STPG2: variants seen among roughly 807,000 people sequenced by gnomAD.
STPG2 encodes sperm-tail PG-rich repeat-containing protein 2.
A neutral mutation model predicts 54.2 loss-of-function variants in STPG2; 56 were observed. That is an observed-to-expected ratio of 1.03 (90% CI 0.83 to 1.29). The LOEUF is 1.29. Ranked by LOEUF, STPG2 falls within the 50% of genes most tolerant of loss-of-function variation. The probability of loss-of-function intolerance (pLI) is 0.00; values close to 1 mark genes in which losing one functional copy is unlikely to be tolerated. For synonymous variants in STPG2, 200 were observed against 181.8 expected (o/e 1.10, Z -0.81); for missense variants, 596 against 544.9 (o/e 1.09, Z -0.93).
chr4:97,671,030 G>T (rs750044922), intron 10 of STPG2, among the ~76,000 whole-genome samples: 2 of 152,200 alleles, frequency 1.3e-5, no homozygotes, highest in Non-Finnish European at 2.9e-5. Context: ...CCATGACAGT[G>T]AATGTGATCG....
At chr4:97,805,452 C>A (rs1727528447) in intron 9 of STPG2, among the ~76,000 whole-genome samples, 1 of 152,102 alleles carries the variant, frequency 6.6e-6, no homozygotes, top group African/African-American at 2.4e-5. Context: ...TCCAAGTGAT[C>A]TGCCCACCTC....
intron 3 of STPG2, among the ~76,000 whole-genome samples, chr4:98,125,062 G>A (rs929962860): frequency 3.3e-5 from 5 of 152,098 alleles, no homozygotes; most frequent in African/African-American, 1.2e-4. Flanking sequence ...TGTTATTCTG[G>A]TTAGCAGCTC....
At chr4:98,132,573 T>A (rs947470374) in intron 2 of STPG2, among the ~76,000 whole-genome samples, 1 of 151,932 alleles carries the variant, frequency 6.6e-6, no homozygotes, top group African/African-American at 2.4e-5. Context: ...TTCTCCCGGT[T>A]TTGTAGACTA....
At chr4:98,017,161 G>A (rs1481465712) in intron 5 of STPG2, among the ~76,000 whole-genome samples, 3 of 152,228 alleles carry the variant, frequency 2.0e-5, no homozygotes, top group African/African-American at 7.2e-5. Context: ...GTCTACTGAG[G>A]ATGGCTTGGT....
chr4:97,753,858 G>A (rs1339092790), intron 9 of STPG2, among the ~76,000 whole-genome samples: 2 of 151,854 alleles, frequency 1.3e-5, no homozygotes, highest in East Asian at 1.9e-4. Context: ...AAATTGGGTT[G>A]TTTTTGTTGT....
chr4:97,913,598 G>A (rs1731761437), intron 8 of STPG2, among the ~76,000 whole-genome samples: 1 of 152,208 alleles, frequency 6.6e-6, no homozygotes, highest in Middle Eastern at 3.4e-3. Flanking sequence ...CACAGTGATA[G>A]GTAATTCCAA....
intron 8 of STPG2, among the ~76,000 whole-genome samples, chr4:97,923,910 C>T (rs1161564376): frequency 6.6e-6 from 1 of 152,162 alleles, no homozygotes. Context: ...AATCGGCTCT[C>T]TGTAAAATGG....
At chr4:97,879,731 C>A (rs1730304266) in intron 8 of STPG2, among the ~76,000 whole-genome samples, 1 of 152,092 alleles carries the variant, frequency 6.6e-6, no homozygotes, top group Non-Finnish European at 1.5e-5. Context: ...CTCTAATCAC[C>A]AGGAAAATGC....
chr4:97,896,009 GT>G (rs1730940526), intron 8 of STPG2, among the ~76,000 whole-genome samples: 1 of 151,788 alleles, frequency 6.6e-6, no homozygotes, highest in Non-Finnish European at 1.5e-5. Flanking sequence ...GACTTTAAAA[GT>G]TTTTCAATTC....
intron 10 of STPG2, among the ~76,000 whole-genome samples, chr4:97,605,742 A>G (rs1733576073): frequency 6.6e-6 from 1 of 151,590 alleles, no homozygotes; most frequent in Non-Finnish European, 1.5e-5. Context: ...GAGAGTTTCA[A>G]TACCTATCAG....
intron 9 of STPG2, among the ~76,000 whole-genome samples, chr4:97,772,897 C>T (rs1726260281): frequency 6.6e-6 from 1 of 152,100 alleles, no homozygotes; most frequent in Non-Finnish European, 1.5e-5. Flanking sequence ...ATTTTGGAAG[C>T]CTGTACCATT....
chr4:98,137,181 A>G (rs1740156973), intron 1 of STPG2, among the ~76,000 whole-genome samples: 1 of 151,828 alleles, frequency 6.6e-6, no homozygotes, highest in African/African-American at 2.4e-5. Flanking sequence ...TGAATCCAAA[A>G]AGCTGGAGTG....
intron 8 of STPG2, among the ~76,000 whole-genome samples, chr4:97,853,109 T>C (rs1380256436): frequency 6.6e-6 from 1 of 150,594 alleles, no homozygotes; most frequent in African/African-American, 2.4e-5. Context: ...CCTGAGTAGC[T>C]GGGACCACAG....
At chr4:97,623,632 A>C (rs910713925) in intron 10 of STPG2, among the ~76,000 whole-genome samples, 1 of 152,122 alleles carries the variant, frequency 6.6e-6, no homozygotes, top group South Asian at 2.1e-4. Context: ...ATTTTTAAAA[A>C]ATTTCACTTT....
At chr4:98,096,643 G>T (rs1257977316) in intron 5 of STPG2, among the ~76,000 whole-genome samples, 1 of 151,938 alleles carries the variant, frequency 6.6e-6, no homozygotes, top group Non-Finnish European at 1.5e-5. Flanking sequence ...AAATGAATTT[G>T]AAATGAAGAA....
intron 10 of STPG2, among the ~76,000 whole-genome samples, chr4:97,607,363 T>C (rs896255043): frequency 6.6e-6 from 1 of 152,058 alleles, no homozygotes; most frequent in African/African-American, 2.4e-5. Flanking sequence ...CCTGGGACCA[T>C]CTTGTAGATG....
chr4:97,913,859 G>C (rs1364742352), intron 8 of STPG2, among the ~76,000 whole-genome samples: 2 of 152,028 alleles, frequency 1.3e-5, no homozygotes, highest in Non-Finnish European at 2.9e-5. Flanking sequence ...ATTTAAATGA[G>C]CAAGTTGAAG....
chr4:97,695,155 T>C (rs1723527782), intron 10 of STPG2, among the ~76,000 whole-genome samples: 1 of 150,040 alleles, frequency 6.7e-6, no homozygotes, highest in Non-Finnish European at 1.5e-5. Context: ...CGTGATCAAG[T>C]GGGTTTCATA....
intron 3 of STPG2, among the ~76,000 whole-genome samples, chr4:98,110,701 C>T (rs1357960267): frequency 6.6e-6 from 1 of 152,128 alleles, no homozygotes; most frequent in Non-Finnish European, 1.5e-5. Flanking sequence ...CACTCTAAAA[C>T]TTGCCTTGGT....
Sources: allele counts gnomAD v4.1 joint callset (sites outside exome capture counted in the v4.1 genomes callset), GRCh38; gene constraint gnomAD v4.1.1; transcripts MANE v1.5; gene names NCBI Gene and HGNC (gene_info 2026-07-23, HGNC 2026-07-21).